Variants in TNS3 observed in about 807,000 individuals in gnomAD.
The protein encoded by TNS3 is tensin-3.
TNS3 carries 45 observed loss-of-function variants against 140.9 expected under a neutral mutation model. That is an observed-to-expected ratio of 0.32 (90% confidence interval 0.25 to 0.41). The LOEUF (loss-of-function observed/expected upper bound fraction) is 0.41, where lower values mean the gene tolerates loss of function less well. TNS3 is among the 10% of genes least tolerant of loss of function. The probability of loss-of-function intolerance (pLI) is 1.00; values close to 1 mark genes in which losing one functional copy is unlikely to be tolerated. For missense variants in TNS3, 1,716 were observed against 1,906.7 expected (o/e 0.90, Z 1.86); for synonymous variants, 815 against 788.4 (o/e 1.03, Z -0.56).
intron 2 of TNS3, among the ~76,000 whole-genome samples, chr7:47,508,574 C>G (rs913639108): frequency 6.6e-6 from 1 of 152,220 alleles, no homozygotes; most frequent in South Asian, 2.1e-4. Context: ...TCTGCCCACA[C>G]ACGTCTAGCA....
chr7:47,336,952 CTTCCACGTCCAACCGTGGCAAGCTCAG>C (rs1277932902), intron 20 of TNS3, among the ~76,000 whole-genome samples: 1 of 152,150 alleles, frequency 6.6e-6, no homozygotes, highest in African/African-American at 2.4e-5. Flanking sequence ...CAACATTGGC[CTTCCACGTCCAACCGTGGCAAGCTCAG>C]TTCCAGCAAG....
intron 2 of TNS3, among the ~76,000 whole-genome samples, chr7:47,520,052 C>T (rs1213813513): frequency 6.6e-6 from 1 of 151,894 alleles, no homozygotes; most frequent in Non-Finnish European, 1.5e-5. Flanking sequence ...GTCTCGATCT[C>T]CTGACCTCGT....
chr7:47,543,433 G>T (rs1799844162), intron 1 of TNS3, among the ~76,000 whole-genome samples: 1 of 152,258 alleles, frequency 6.6e-6, no homozygotes. Flanking sequence ...GAGAGGTGGG[G>T]AGCTGACTTC....
chr7:47,278,385 T>C, intron 30 of TNS3, 165 bp from the exon 31 acceptor site: 1 of 718,480 alleles, frequency 1.4e-6, no homozygotes, highest in Non-Finnish European at 2.2e-6. Context: ...GCACTTTACC[T>C]CCAGCCTTCA....
intron 2 of TNS3, among the ~76,000 whole-genome samples, chr7:47,517,945 A>G (rs867815771): frequency 3.3e-5 from 5 of 152,240 alleles, no homozygotes; most frequent in African/African-American, 1.2e-4. Flanking sequence ...AAGGCACTAT[A>G]AAATTAATTG....
Position 47,564,655 on chromosome 7 carries a change from A to C in TNS3, c.-265+17396T>G, listed in dbSNP as rs561748011. Among the ~76,000 whole-genome samples, 801 of 148,518 alleles carry C rather than the reference A, an allele frequency of 5.4e-3. 12 individuals carry two copies. Among genetic ancestry groups the C allele is most frequent in the African/African-American group, 0.019 (775 of 40,288 alleles). On this transcript the variant is annotated intron_variant, in intron 1 of 30. Coordinates refer to ENST00000311160, the MANE Select transcript of TNS3 (RefSeq NM_022748.12). ...CGTCTCAAAAAAAAAAAAAACAAAA[A>C]AAAACAAAAAAAGACTGCAACCTCA... is the stretch of plus-strand genomic sequence containing the variant.
In TNS3 at chr7:47,303,210, A is replaced by G; in HGVS notation, c.3197T>C (p.Leu1066Pro). Residue 1066 changes from leucine to proline, a missense_variant, in exon 22 of 31, where the codon CTG becomes CCG. Leu to Pro is a moderately conservative substitution (Grantham distance 98). Coordinates refer to ENST00000311160, the MANE Select transcript of TNS3 (RefSeq NM_022748.12). Reference protein sequence around the residue: ...TATGAADNGFLSHNFLTVAPG... With the variant: ...TATGAADNGFPSHNFLTVAPG... ...CGCCACCGTGAGAAAGTTGTGGGAC[A>G]GGAAGCCATTGTCGGCAGCCCCTGT... The G allele has an allele frequency of 1.2e-6, 2 of 1,613,648 alleles. No individual in the cohort carries two copies. The highest frequency in any genetic ancestry group is 1.1e-5 in the South Asian group (1 of 91,082).
intron 16 of TNS3, among the ~76,000 whole-genome samples, chr7:47,388,265 C>T (rs1201564894): frequency 6.6e-6 from 1 of 152,194 alleles, no homozygotes; most frequent in Non-Finnish European, 1.5e-5. Flanking sequence ...CACACTGCTG[C>T]TCACGCTAGG....
intron 1 of TNS3, among the ~76,000 whole-genome samples, chr7:47,577,038 C>T (rs1800691061): frequency 6.6e-6 from 1 of 152,228 alleles, no homozygotes; most frequent in African/African-American, 2.4e-5. Context: ...ACTCTACACA[C>T]AAGAGGTGCC....
intron 2 of TNS3, among the ~76,000 whole-genome samples, chr7:47,526,876 A>G (rs556301947): frequency 1.4e-4 from 21 of 152,310 alleles, no homozygotes; most frequent in African/African-American, 5.1e-4. Context: ...CAATTCAACC[A>G]CGACTTTCCT....
At chr7:47,515,252 A>G (rs1372472349) in intron 2 of TNS3, among the ~76,000 whole-genome samples, 1 of 152,236 alleles carries the variant, frequency 6.6e-6, no homozygotes, top group East Asian at 1.9e-4. Context: ...AAGTCCAAGA[A>G]TGAGCCAGAA....
At chr7:47,363,543 T>C (rs1790518303) in intron 17 of TNS3, among the ~76,000 whole-genome samples, 1 of 152,182 alleles carries the variant, frequency 6.6e-6, no homozygotes, top group African/African-American at 2.4e-5. Flanking sequence ...CTGCAAATAG[T>C]GAAAGATTCT....
chr7:47,371,295 G>T (rs954113542), intron 16 of TNS3, among the ~76,000 whole-genome samples: 4 of 152,198 alleles, frequency 2.6e-5, no homozygotes, highest in Non-Finnish European at 2.9e-5. Flanking sequence ...TTATTGACAG[G>T]GCAGGAGCAT....
At chr7:47,544,703 AG>A (rs1409566783) in intron 1 of TNS3, among the ~76,000 whole-genome samples, 1 of 152,120 alleles carries the variant, frequency 6.6e-6, no homozygotes, top group Non-Finnish European at 1.5e-5. Context: ...TCCAGCTTAC[AG>A]ACCTACTGCT....
intron 1 of TNS3, chr7:47,539,512 G>T (rs334503): frequency 0.32 from 77,633 of 245,010 alleles, 13,710 homozygotes; most frequent in East Asian, 0.44. Context: ...CTCCTGCCAG[G>T]CTTGCAATCT....
chr7:47,375,916 G>A (rs1562655895), intron 16 of TNS3, among the ~76,000 whole-genome samples: 1 of 152,204 alleles, frequency 6.6e-6, no homozygotes, highest in Non-Finnish European at 1.5e-5. Context: ...TTTATGAAGC[G>A]ACGTGGAACC....
intron 6 of TNS3, among the ~76,000 whole-genome samples, chr7:47,437,871 G>A (rs2949817): frequency 0.25 from 36,718 of 149,520 alleles, 5,237 homozygotes; most frequent in Non-Finnish European, 0.32. Context: ...AAACTGACCC[G>A]ATAGAGAGGT....
intron 11 of TNS3, among the ~76,000 whole-genome samples, chr7:47,414,506 GC>G (rs1450121072): frequency 6.6e-6 from 1 of 152,134 alleles, no homozygotes; most frequent in African/African-American, 2.4e-5. Context: ...GAGGGATAGG[GC>G]CCTGCTGACC....
chr7:47,450,639 C>T (rs1221449648), intron 4 of TNS3, among the ~76,000 whole-genome samples: 1 of 152,230 alleles, frequency 6.6e-6, no homozygotes, highest in Non-Finnish European at 1.5e-5. Flanking sequence ...GGGGCTCTGA[C>T]CACTGGCAGA....
Sources: allele counts gnomAD v4.1 joint callset (sites outside exome capture counted in the v4.1 genomes callset), GRCh38; gene constraint gnomAD v4.1.1; transcripts MANE v1.5; gene names NCBI Gene and HGNC (gene_info 2026-07-23, HGNC 2026-07-21).